The following NTRK3 variants were observed in gnomAD, a reference collection of about 807,000 sequenced individuals.
NTRK3 encodes the protein neurotrophic receptor tyrosine kinase 3, also known as NT-3 growth factor receptor.
A neutral mutation model predicts 91.7 loss-of-function variants in NTRK3; 24 were observed. The observed-to-expected ratio is 0.26, with a 90% confidence interval of 0.19 to 0.37. NTRK3 has a LOEUF of 0.37. Ranked by LOEUF, NTRK3 falls within the 10% of genes least tolerant of loss-of-function variation. NTRK3 has a pLI of 1.00. For synonymous variants in NTRK3, 483 were observed against 404.0 expected (o/e 1.20, Z -2.34); for missense variants, 880 against 1,068.9 (o/e 0.82, Z 2.46).
intron 3 of NTRK3, among the ~76,000 whole-genome samples, 155 bp from the exon 4 acceptor site, chr15:88,184,454 T>C (rs1465394636): frequency 6.6e-6 from 1 of 152,238 alleles, no homozygotes; most frequent in African/African-American, 2.4e-5. Context: ...AGTTTCTTCC[T>C]CTGCGTGGTG....
At chr15:88,098,927 T>A (rs146341436) in intron 13 of NTRK3, 6 of 232,390 alleles carry the variant, frequency 2.6e-5, no homozygotes, top group Non-Finnish European at 4.3e-5. Context: ...TTTAAAAAAG[T>A]CTTGATTACT....
intron 14 of NTRK3, among the ~76,000 whole-genome samples, chr15:87,941,354 C>G (rs570018270): frequency 5.6e-4 from 86 of 152,238 alleles, no homozygotes; most frequent in Admixed American, 3.2e-3. Flanking sequence ...AGAACAACTT[C>G]CTTGCTGAAT....
At chr15:87,944,661 C>A (rs997134112) in intron 14 of NTRK3, among the ~76,000 whole-genome samples, 77 of 152,332 alleles carry the variant, frequency 5.1e-4, no homozygotes, top group African/African-American at 1.8e-3. Context: ...AGGCTTAACC[C>A]TCCATCTTCC....
intron 14 of NTRK3, among the ~76,000 whole-genome samples, chr15:87,997,847 C>A (rs1228273851): frequency 1.3e-5 from 2 of 152,158 alleles, no homozygotes; most frequent in African/African-American, 4.8e-5. Context: ...ACAACGTGTG[C>A]AAATAGCTGT....
chr15:87,862,685 G>C (rs1040531935), exon 19 of NTRK3: 1 of 229,398 alleles, frequency 4.4e-6, no homozygotes, highest in East Asian at 6.2e-5. Context: ...GTGACAACAT[G>C]TGCTTCTGCT....
In NTRK3 at chr15:88,086,406, G is replaced by T. The variant is rs549581237; in HGVS notation, c.1396+39865C>A. On this transcript the variant is annotated intron_variant, in intron 13 of 18. Coordinates refer to ENST00000394480, the Ensembl canonical transcript of NTRK3. ...AAGGACCTACCATGAGCAAAAAAAA[G>T]ATTTAAAACATCTCATTAATTTTTA... 3.3e-5 allele frequency among the ~76,000 whole-genome samples: 5 copies of T among 151,960 alleles called. No homozygotes were observed. The South Asian group carries it at 1.0e-3, about 31-fold the overall frequency.
intron 3 of NTRK3, among the ~76,000 whole-genome samples, chr15:88,246,395 A>G (rs552983338): frequency 7.6e-4 from 116 of 152,178 alleles, no homozygotes; most frequent in African/African-American, 2.8e-3. Context: ...AGGACCTGCT[A>G]TTTTCTGAGC....
In NTRK3 at chr15:88,241,555, G is replaced by C. The variant is rs1223301070; in HGVS notation, c.248+14351C>G. ...CTCTGGGCTGGAAAGGAGGAGGGAGGGTGTGCCCTGGTCAGTCTCACCTAG... is the reference window on the plus strand; with the variant it reads ...CTCTGGGCTGGAAAGGAGGAGGGAGCGTGTGCCCTGGTCAGTCTCACCTAG... On this transcript the variant is annotated intron_variant, in intron 3 of 18. Transcript: ENST00000394480. The surrounding 1 kb of genome is among the most constrained non-coding windows in gnomAD (Gnocchi z 4.3). Among the ~76,000 whole-genome samples the C allele has an allele frequency of 6.6e-6, 1 of 152,118 alleles. No individual in the cohort carries two copies. The highest frequency in any genetic ancestry group is 1.5e-5 in the Non-Finnish European group (1 of 68,008).
intron 14 of NTRK3, among the ~76,000 whole-genome samples, chr15:87,947,215 G>A (rs987091294): frequency 6.6e-6 from 1 of 151,812 alleles, no homozygotes; most frequent in Non-Finnish European, 1.5e-5. Context: ...TGCTGTCCCC[G>A]TGCTACAGAT....
intron 5 of NTRK3, among the ~76,000 whole-genome samples, chr15:88,149,817 C>A (rs890251834): frequency 6.6e-6 from 1 of 152,230 alleles, no homozygotes; most frequent in African/African-American, 2.4e-5. Flanking sequence ...TGCTCTGAGT[C>A]TCCATTGCCA....
chr15:88,011,386 T>C (rs2076870477), intron 14 of NTRK3, among the ~76,000 whole-genome samples: 1 of 152,212 alleles, frequency 6.6e-6, no homozygotes, highest in Non-Finnish European at 1.5e-5. Context: ...AGTAAGTCTG[T>C]AAGGACTTAC....
intron 14 of NTRK3, among the ~76,000 whole-genome samples, chr15:87,953,455 A>G (rs1374556547): frequency 6.6e-6 from 1 of 152,208 alleles, no homozygotes; most frequent in Non-Finnish European, 1.5e-5. Flanking sequence ...AATGATGTCA[A>G]TGTTATTTGT....
At chr15:88,091,507 T>C (rs1200182618) in intron 13 of NTRK3, among the ~76,000 whole-genome samples, 1 of 152,232 alleles carries the variant, frequency 6.6e-6, no homozygotes, top group African/African-American at 2.4e-5. Flanking sequence ...AAGTATTCTG[T>C]GCCTGATTTC....
chr15:88,045,459 C>T (rs1408606774), intron 13 of NTRK3, among the ~76,000 whole-genome samples: 1 of 152,180 alleles, frequency 6.6e-6, no homozygotes, highest in Non-Finnish European at 1.5e-5. Context: ...CACTGCGTCC[C>T]TATTAAAGTC....
At chr15:88,094,712 T>C (rs1439392624) in intron 13 of NTRK3, among the ~76,000 whole-genome samples, 1 of 152,162 alleles carries the variant, frequency 6.6e-6, no homozygotes, top group Non-Finnish European at 1.5e-5. Flanking sequence ...GGGGACCATC[T>C]GATGTCTACA....
At chr15:87,918,000 T>G (rs1048228641) in intron 17 of NTRK3, among the ~76,000 whole-genome samples, 16 of 53,052 alleles carry the variant, frequency 3.0e-4, no homozygotes, top group Admixed American at 1.9e-3. Context: ...TTTTTGTGTT[T>G]TTTTTTTGTT....
intron 3 of NTRK3, among the ~76,000 whole-genome samples, chr15:88,249,163 G>T (rs1157670040): frequency 6.6e-6 from 1 of 152,242 alleles, no homozygotes; most frequent in Admixed American, 6.5e-5. Flanking sequence ...GACAAGCCAG[G>T]CAGGAGGACT....
At chr15:87,980,697 T>C (rs2074179929) in intron 14 of NTRK3, among the ~76,000 whole-genome samples, 1 of 152,206 alleles carries the variant, frequency 6.6e-6, no homozygotes, top group Non-Finnish European at 1.5e-5. Flanking sequence ...GAGACTTTCC[T>C]GTCCTCCTGC....
At chr15:88,236,197 A>G (rs905801771) in intron 3 of NTRK3, among the ~76,000 whole-genome samples, 10 of 152,218 alleles carry the variant, frequency 6.6e-5, no homozygotes, top group African/African-American at 2.2e-4. Flanking sequence ...AACAACCAAA[A>G]ACAAGAGAAC....
Sources: allele counts gnomAD v4.1 joint callset (sites outside exome capture counted in the v4.1 genomes callset), GRCh38; gene constraint gnomAD v4.1.1; non-coding constraint Gnocchi (gnomAD v3.1); transcripts MANE v1.5; gene names NCBI Gene and HGNC (gene_info 2026-07-23, HGNC 2026-07-21).